The following MYO1D variants were observed in gnomAD, a reference collection of about 807,000 sequenced individuals.
The protein encoded by MYO1D is unconventional myosin-Id.
MYO1D carries 83 observed loss-of-function variants against 122.0 expected under a neutral mutation model. That is an observed-to-expected ratio of 0.68 (90% CI 0.57 to 0.82). The LOEUF (loss-of-function observed/expected upper bound fraction) is 0.82, where lower values mean the gene tolerates loss of function less well. MYO1D is among the 40% of genes least tolerant of loss of function. The pLI is 0.00. For missense variants in MYO1D, 1,157 were observed against 1,269.5 expected, an observed-to-expected ratio of 0.91 and a Z score of 1.35; for synonymous variants, 464 against 446.9, an observed-to-expected ratio of 1.04 and a Z score of -0.48.
At chr17:32,818,010 CAGCTACTTGGG>C (rs1164164145) in intron 1 of MYO1D, among the ~76,000 whole-genome samples, 2 of 148,286 alleles carry the variant, frequency 1.3e-5, no homozygotes, top group African/African-American at 2.5e-5. Context: ...CCTGTAGTCC[CAGCTACTTGGG>C]AGGCTGAGGC....
At chr17:32,540,481 C>T (rs1910804686) in intron 21 of MYO1D, among the ~76,000 whole-genome samples, 1 of 151,954 alleles carries the variant, frequency 6.6e-6, no homozygotes, top group Non-Finnish European at 1.5e-5. Context: ...GAAAAGTAGA[C>T]AAAGGATCTA....
Position 32,755,476 on chromosome 17 carries a change from T to A in MYO1D, c.1467+16A>T. On this transcript the variant is annotated intron_variant, in intron 11 of 21. Coordinates refer to ENST00000318217, the MANE Select transcript of MYO1D (RefSeq NM_015194.3). Reference sequence around the variant, plus strand: ...CCTCACAGATAAAAGGAAGAAGGTGTCATTAAACACATTACCTTTCGGCTG... The same window carrying A: ...CCTCACAGATAAAAGGAAGAAGGTGACATTAAACACATTACCTTTCGGCTG... The A allele has an allele frequency of 6.2e-7, 1 of 1,610,266 alleles. No individual in the cohort carries two copies.
chr17:32,535,768 C>T (rs1910645141), intron 21 of MYO1D, among the ~76,000 whole-genome samples: 1 of 152,042 alleles, frequency 6.6e-6, no homozygotes, highest in Admixed American at 6.6e-5. Flanking sequence ...CAAAACAAAA[C>T]AAAACAAAAA....
chr17:32,753,259 G>C (rs2089915946), intron 11 of MYO1D, among the ~76,000 whole-genome samples: 2 of 150,186 alleles, frequency 1.3e-5, no homozygotes, highest in Admixed American at 1.3e-4. Flanking sequence ...AGCAGGGGGT[G>C]AGAGTTGAAA....
chr17:32,593,194 C>T (rs2087456983), intron 21 of MYO1D, among the ~76,000 whole-genome samples: 2 of 152,166 alleles, frequency 1.3e-5, no homozygotes, highest in Non-Finnish European at 2.9e-5. Context: ...TCTTAATTTC[C>T]CCCTGGTGGC....
At chr17:32,785,632 G>A (rs2090285485) in intron 1 of MYO1D, among the ~76,000 whole-genome samples, 1 of 152,128 alleles carries the variant, frequency 6.6e-6, no homozygotes. Flanking sequence ...TTCACTGGTT[G>A]GTTTTCTATG....
chr17:32,766,665 G>A (rs961224961), intron 7 of MYO1D, among the ~76,000 whole-genome samples: 36 of 152,060 alleles, frequency 2.4e-4, no homozygotes, highest in African/African-American at 8.0e-4. Context: ...GGTGGCAGGC[G>A]CCTGTAGTCC....
At chr17:32,633,696 C>G (rs970275563) in intron 20 of MYO1D, among the ~76,000 whole-genome samples, 1 of 151,980 alleles carries the variant, frequency 6.6e-6, no homozygotes, top group Non-Finnish European at 1.5e-5. Context: ...CCCCCACCCC[C>G]ATCCCAGAAG....
rs561499021 is a variant in MYO1D, at chr17:32,561,402, G to T, written c.2864+43685C>A. 1.6e-4 allele frequency among the ~76,000 whole-genome samples: 24 copies of T among 151,558 alleles called. No individual in the cohort carries two copies. The South Asian group carries it at 4.8e-3, about 30-fold the overall frequency. ...ATACATGTTTATTGTAGAAAATTTG[G>T]AAAGTGGCTGGGTGTGGTGGCTCAT... On this transcript the variant is annotated intron_variant, in intron 21 of 21. Coordinates refer to ENST00000318217, the MANE Select transcript of MYO1D (RefSeq NM_015194.3).
chr17:32,562,480 T>G (rs2087134881), intron 21 of MYO1D, among the ~76,000 whole-genome samples: 1 of 152,160 alleles, frequency 6.6e-6, no homozygotes, highest in South Asian at 2.1e-4. Context: ...ATTTCTTTCC[T>G]TTTAAATTTT....
chr17:32,810,646 T>G (rs2090562915), intron 1 of MYO1D, among the ~76,000 whole-genome samples: 1 of 152,072 alleles, frequency 6.6e-6, no homozygotes, highest in Admixed American at 6.6e-5. Flanking sequence ...TCGGCTAATT[T>G]TTATATTTTT....
At position 32,804,946 on chromosome 17, in the gene MYO1D, C is replaced by T. The variant is rs550122961; in HGVS notation, c.96-24162G>A. Reference sequence around the variant, plus strand: ...ACAAGCTGGATTGGTCACACACAGTCTGACCATGTTACAAAGTGTCATATT... The same window carrying T: ...ACAAGCTGGATTGGTCACACACAGTTTGACCATGTTACAAAGTGTCATATT... On this transcript the variant is annotated intron_variant, in intron 1 of 21. Transcript: ENST00000318217. 2.0e-5 allele frequency among the ~76,000 whole-genome samples: 3 copies of T among 152,280 alleles called. No individual in the cohort carries two copies. In the East Asian group the frequency reaches 5.8e-4, roughly 29 times the overall value.
chr17:32,854,724 T>C (rs577050919), intron 1 of MYO1D, among the ~76,000 whole-genome samples: 4 of 152,204 alleles, frequency 2.6e-5, no homozygotes, highest in Admixed American at 2.0e-4. Context: ...CATCTGAGAC[T>C]CAAAATAAAA....
chr17:32,757,890 G>T (rs2089965117), intron 10 of MYO1D, among the ~76,000 whole-genome samples: 1 of 152,098 alleles, frequency 6.6e-6, no homozygotes, highest in Non-Finnish European at 1.5e-5. Flanking sequence ...GGGACATGGG[G>T]CTCTGGCCTT....
chr17:32,635,798 AAGG>A (rs2088091064), intron 20 of MYO1D, among the ~76,000 whole-genome samples: 1 of 152,146 alleles, frequency 6.6e-6, no homozygotes, highest in Non-Finnish European at 1.5e-5. Flanking sequence ...GCCTCTATAG[AAGG>A]AGAAATGAAA....
chr17:32,738,410 C>T, intron 13 of MYO1D, 25 bp from the exon 14 acceptor site: 1 of 1,535,828 alleles, frequency 6.5e-7, no homozygotes, highest in Non-Finnish European at 8.8e-7. Context: ...AAAAACAATT[C>T]AAATGTCACA....
rs187058685 is a variant in MYO1D, at chr17:32,635,307, C to T, written c.2709+3415G>A. On this transcript the variant is annotated intron_variant, in intron 20 of 21. Coordinates refer to ENST00000318217, the MANE Select transcript of MYO1D (RefSeq NM_015194.3). ...AACTCAGGTTGTGGAGGAGGCTAAA[C>T]GATAGCAGGGTCCCTTAAAGCTGCC... 2.5e-3 allele frequency among the ~76,000 whole-genome samples: 387 copies of T among 152,258 alleles called. 2 individuals are homozygous for T. The highest frequency in any genetic ancestry group is 5.5e-3 in the Admixed American group (84 of 15,302).
intron 5 of MYO1D, among the ~76,000 whole-genome samples, chr17:32,772,477 A>G (rs1426917511): frequency 6.6e-6 from 1 of 152,230 alleles, no homozygotes; most frequent in Non-Finnish European, 1.5e-5. Flanking sequence ...AACATTTAGA[A>G]TGTACCATTT....
At chr17:32,860,389 G>T (rs2091059935) in intron 1 of MYO1D, among the ~76,000 whole-genome samples, 1 of 152,170 alleles carries the variant, frequency 6.6e-6, no homozygotes, top group Non-Finnish European at 1.5e-5. Context: ...ACCCCTCCAG[G>T]AGAGGTGTGA....
Sources: gnomAD v4.1 joint callset for allele counts (sites outside exome capture counted in the v4.1 genomes callset) on GRCh38, gnomAD v4.1.1 for gene constraint, MANE v1.5 for transcripts, NCBI Gene and HGNC (gene_info 2026-07-23, HGNC 2026-07-21) for gene names.